Variants in GEMIN6 observed in about 807,000 individuals in gnomAD.
GEMIN6 encodes gem nuclear organelle associated protein 6, also known as gem-associated protein 6.
Under a neutral mutation model 14.1 loss-of-function variants are expected in GEMIN6, and 13 were observed. That is an observed-to-expected ratio of 0.92 (90% CI 0.60 to 1.46). GEMIN6 has a LOEUF of 1.46. Among genes scored for constraint, GEMIN6 ranks in the 40% most tolerant of loss-of-function variants. The pLI, the probability that GEMIN6 is intolerant of heterozygous loss-of-function variation, is 0.00. For missense variants in GEMIN6, 271 were observed against 202.4 expected (o/e 1.34, Z -2.06); for synonymous variants, 87 against 70.0 (o/e 1.24, Z -1.21).
intron 2 of GEMIN6, among the ~76,000 whole-genome samples, chr2:38,780,907 G>A (rs1669067167): frequency 6.6e-6 from 1 of 151,958 alleles, no homozygotes. Flanking sequence ...GGGATTACAG[G>A]CGTGAGCCAC....
rs1337072265 is a variant in GEMIN6 at position 38,782,878 on chromosome 2, T to A, written c.*986T>A. On this transcript the variant is annotated 3_prime_UTR_variant, in exon 3 of 3. Transcript: ENST00000281950. The stretch of plus-strand genomic sequence containing the variant: ...TGGTTTTTTTGTGGAGTTTTTGTTT[T>A]GGTTTTTGAGATGGAGTTTCACTCT... 6.6e-6 allele frequency: 1 copy of A among 152,186 alleles called. No homozygotes were observed. The highest frequency in any genetic ancestry group is 6.6e-5 in the Admixed American group (1 of 15,250). 9.4% of individuals were successfully genotyped at this position (152,186 alleles called of 1,614,324 possible). A position where few individuals can be genotyped will look rare whatever the true frequency, so the allele number is the denominator to read the frequency against.
At position 38,781,816 on chromosome 2, in the gene GEMIN6, A is replaced by G; in HGVS notation, c.428A>G (p.Asn143Ser). ...LTIDPPYGPE[N>S]CSSSNEIILS... ...ATAGACCCACCATATGGTCCAGAAA[A>G]TTGCAGCAGCTCTAATGAGATTATT... The change falls in exon 3 of 3, where the codon AAT becomes AGT. Residue 143 changes from asparagine to serine, a missense_variant. Asn to Ser is a conservative substitution (Grantham distance 46). Transcript: ENST00000281950. 1 of 1,614,136 alleles carries G rather than the reference A, an allele frequency of 6.2e-7. No homozygotes were observed. The highest frequency in any genetic ancestry group is 2.2e-5 in the East Asian group (1 of 44,880).
Position 38,784,489 on chromosome 2 carries a change from T to G in GEMIN6, c.*2597T>G, listed in dbSNP as rs567522148. 2.0e-5 allele frequency: 3 copies of G among 151,132 alleles called. No homozygotes were observed. In the East Asian group the frequency reaches 5.8e-4, roughly 29 times the overall value. 9.4% of individuals were successfully genotyped at this position (151,132 alleles called of 1,614,324 possible). Reference sequence around the variant, plus strand: ...GGTGGAGGTTGCAGTGAGCCGAGATTGTACGCATTCCAGCTTGGGCAGCAG... The same window carrying G: ...GGTGGAGGTTGCAGTGAGCCGAGATGGTACGCATTCCAGCTTGGGCAGCAG... On this transcript the variant is annotated 3_prime_UTR_variant, in exon 3 of 3. Transcript: ENST00000281950.
intron 2 of GEMIN6, chr2:38,779,420 G>A (rs1440732107): frequency 6.6e-6 from 2 of 304,182 alleles, no homozygotes; most frequent in South Asian, 2.6e-5. Context: ...TTGTGGAGAC[G>A]GGGCTTCGCC....
chr2:38,779,636 C>CCA (rs1553317103), intron 2 of GEMIN6, among the ~76,000 whole-genome samples: 2 of 36,074 alleles, frequency 5.5e-5, no homozygotes, highest in African/African-American at 2.1e-4. Context: ...ATTATTCTTA[C>CCA]TATATATATA....
chr2:38,784,862 A>T lies in GEMIN6; in HGVS notation c.*2970A>T, dbSNP rs1346761863. 1 of 152,226 alleles carries T rather than the reference A, an allele frequency of 6.6e-6. No individual in the cohort carries two copies. Among genetic ancestry groups the T allele is most frequent in the Non-Finnish European group, 1.5e-5 (1 of 68,054 alleles). 9.4% of individuals were successfully genotyped at this position (152,226 alleles called of 1,614,324 possible). On this transcript the variant is annotated 3_prime_UTR_variant, in exon 3 of 3. Transcript: ENST00000281950. The stretch of plus-strand genomic sequence containing the variant: ...CCAGTGCCTCCTTTGGGCTGTCAGC[A>T]TCTGTGATTCCACATTCCCCAGAGG...
At chr2:38,780,848 T>C (rs1048866087) in intron 2 of GEMIN6, among the ~76,000 whole-genome samples, 6 of 152,082 alleles carry the variant, frequency 3.9e-5, no homozygotes, top group Non-Finnish European at 7.4e-5. Flanking sequence ...AGGCTGGCCT[T>C]GAACTCCTTA....
Position 38,781,965 on chromosome 2 carries a change from A to G in GEMIN6, c.*73A>G, listed in dbSNP as rs1346625516. The G allele has an allele frequency of 2.9e-5, 41 of 1,396,582 alleles. No homozygotes were observed. The Admixed American group carries it at 8.7e-4, about 30-fold the overall frequency. 86.5% of individuals were successfully genotyped at this position (1,396,582 alleles called of 1,614,324 possible). ...CCCTCATAAAATGTTTTAAATGTAA[A>G]TGTACATGACTGTGTGTGTGTATGT... On this transcript the variant is annotated 3_prime_UTR_variant, in exon 3 of 3. Coordinates refer to ENST00000281950, the MANE Select transcript of GEMIN6 (RefSeq NM_024775.10).
rs1175942942 is a variant in GEMIN6, at chr2:38,784,204, A to T, written c.*2312A>T. ...TAGAAGGGGAATATGAACAGACTGA[A>T]GTCAGCAAGGAAATGACTGACAAGA... On this transcript the variant is annotated 3_prime_UTR_variant, in exon 3 of 3. Coordinates refer to ENST00000281950, the MANE Select transcript of GEMIN6 (RefSeq NM_024775.10). 6.6e-6 allele frequency: 1 copy of T among 152,232 alleles called. No homozygotes were observed. The highest frequency in any genetic ancestry group is 1.9e-4 in the East Asian group (1 of 5,200). 9.4% of individuals were successfully genotyped at this position (152,232 alleles called of 1,614,324 possible). A position where few individuals can be genotyped will look rare whatever the true frequency, so the allele number is the denominator to read the frequency against.
At chr2:38,780,410 G>T (rs1669053480) in intron 2 of GEMIN6, among the ~76,000 whole-genome samples, 1 of 151,980 alleles carries the variant, frequency 6.6e-6, no homozygotes, top group South Asian at 2.1e-4. Flanking sequence ...TGTTGCCCAG[G>T]CTGGAGTGCA....
chr2:38,781,504 T>C lies in GEMIN6; in HGVS notation c.129-13T>C, dbSNP rs1476569792. 1.9e-6 allele frequency: 3 copies of C among 1,593,086 alleles called. No homozygotes were observed. The South Asian group carries it at 3.4e-5, about 18-fold the overall frequency. On this transcript the variant is annotated splice_polypyrimidine_tract_variant and intron_variant, in intron 2 of 2. Coordinates refer to ENST00000281950, the MANE Select transcript of GEMIN6 (RefSeq NM_024775.10). Reference sequence around the variant, plus strand: ...GGGTTGATGATGCCTCTAAACTTACTTTTCCTCCAAAGTATTGTCCTTGTG... The same window carrying C: ...GGGTTGATGATGCCTCTAAACTTACCTTTCCTCCAAAGTATTGTCCTTGTG...
intron 2 of GEMIN6, among the ~76,000 whole-genome samples, chr2:38,779,662 A>ATTTTTTTTTT: frequency 3.7e-5 from 1 of 26,750 alleles, no homozygotes; most frequent in Non-Finnish European, 6.5e-5. Context: ...ATATATATAT[A>ATTTTTTTTTT]TATTTTTTTT....
rs1669153089 is a variant in GEMIN6, at chr2:38,784,061, G to T, written c.*2169G>T. On this transcript the variant is annotated 3_prime_UTR_variant, in exon 3 of 3. Transcript: ENST00000281950. ...TTCAGAAACTTCAGGGGAACAGAAA[G>T]TTCCTCCCTCACGGCTTCAAAGTTC... is the stretch of plus-strand genomic sequence containing the variant. The T allele has an allele frequency of 6.6e-6, 1 of 152,186 alleles. No homozygotes were observed. Among genetic ancestry groups the T allele is most frequent in the African/African-American group, 2.4e-5 (1 of 41,450 alleles). 9.4% of individuals were successfully genotyped at this position (152,186 alleles called of 1,614,324 possible).
Position 38,781,562 on chromosome 2 carries a change from C to A in GEMIN6, c.174C>A (p.Thr58=). 6.2e-7 allele frequency: 1 copy of A among 1,613,528 alleles called. No individual in the cohort carries two copies. Residue 58 remains threonine (T), a synonymous_variant, in exon 3 of 3, where the codon ACC becomes ACA. Transcript: ENST00000281950. The stretch of plus-strand genomic sequence containing the variant: ...TTGAAGATGGCAGCATGTCTGTGAC[C>A]GGAATTATGGGACATGCTGTGCAGA... ...NFLEDGSMSV[T]GIMGHAVQTV...
At position 38,782,050 on chromosome 2, in the gene GEMIN6, A is replaced by C. The variant is rs1669104519; in HGVS notation, c.*158A>C. 2 of 657,476 alleles carry C rather than the reference A, an allele frequency of 3.0e-6. No homozygotes were observed. The highest frequency in any genetic ancestry group is 4.9e-6 in the Non-Finnish European group (2 of 410,614). The allele number at this position is 657,476 out of a possible 1,614,324, so 40.7% of individuals were successfully genotyped here. A position where few individuals can be genotyped will look rare whatever the true frequency, so the allele number is the denominator to read the frequency against. On this transcript the variant is annotated 3_prime_UTR_variant, in exon 3 of 3. Transcript: ENST00000281950. ...ATCAGAGGAGTGGGTTATAAGTGCT[A>C]ATTTCCTTGGGAAATTAATGAACTA...
Position 38,779,136 on chromosome 2 carries a change from T to C in GEMIN6, c.128+18T>C. The C allele has an allele frequency of 6.2e-7, 1 of 1,602,690 alleles. No individual in the cohort carries two copies. Among genetic ancestry groups the C allele is most frequent in the Non-Finnish European group, 8.5e-7 (1 of 1,174,680 alleles). On this transcript the variant is annotated intron_variant, in intron 2 of 2. Coordinates refer to ENST00000281950, the MANE Select transcript of GEMIN6 (RefSeq NM_024775.10). Reference sequence around the variant, plus strand: ...TCTGCCAAGTGAGTATGCATCCTACTTGCCTGAAATCTTGACACCCCTTTG... The same window carrying C: ...TCTGCCAAGTGAGTATGCATCCTACCTGCCTGAAATCTTGACACCCCTTTG...
At position 38,784,419 on chromosome 2, in the gene GEMIN6, A is replaced by C. The variant is rs1161949630; in HGVS notation, c.*2527A>C. The C allele has an allele frequency of 6.6e-6, 1 of 151,832 alleles. No homozygotes were observed. The highest frequency in any genetic ancestry group is 1.5e-5 in the Non-Finnish European group (1 of 67,972). The allele number at this position is 151,832 out of a possible 1,614,324, so 9.4% of individuals were successfully genotyped here. On this transcript the variant is annotated 3_prime_UTR_variant, in exon 3 of 3. Coordinates refer to ENST00000281950, the MANE Select transcript of GEMIN6 (RefSeq NM_024775.10). ...GCTGGGTGTGGTGGTGAGCGCCTAT[A>C]ATCTCAGCTACTCAGGAGGCTGAGG... is the stretch of plus-strand genomic sequence containing the variant.
chr2:38,779,066 G>C lies in GEMIN6; in HGVS notation c.76G>C (p.Glu26Gln). 1 of 1,613,962 alleles carries C rather than the reference G, an allele frequency of 6.2e-7. No homozygotes were observed. Among genetic ancestry groups the C allele is most frequent in the Non-Finnish European group, 8.5e-7 (1 of 1,179,884 alleles). The change falls in exon 2 of 3, where the codon GAG becomes CAG. Residue 26 changes from glutamate to glutamine, a missense_variant. Coordinates refer to ENST00000281950, the MANE Select transcript of GEMIN6 (RefSeq NM_024775.10). ...IYKEVRVTASEKNEYKGWVLT... is the reference protein window; with the variant it reads ...IYKEVRVTASQKNEYKGWVLT... ...CAAAGAGGTCCGAGTGACAGCCAGT[G>C]AGAAGAATGAGTATAAAGGATGGGT...
intron 2 of GEMIN6, 92 bp from the exon 3 acceptor site, chr2:38,781,425 C>T: frequency 2.4e-6 from 3 of 1,251,920 alleles, no homozygotes; most frequent in South Asian, 1.5e-5. Flanking sequence ...TCATTGGTGA[C>T]AGGATTAATT....
Sources: allele counts gnomAD v4.1 joint callset (sites outside exome capture counted in the v4.1 genomes callset), GRCh38; gene constraint gnomAD v4.1.1; transcripts MANE v1.5; gene names NCBI Gene and HGNC (gene_info 2026-07-23, HGNC 2026-07-21).